Variants in PBX1 observed in about 807,000 individuals in gnomAD.
PBX1 encodes pre-B-cell leukemia transcription factor 1.
In PBX1, 6 loss-of-function variants were observed where a neutral mutation model predicts 53.4. The ratio of observed to expected loss-of-function variants is 0.11; its 90% confidence interval spans 0.06 to 0.22. The LOEUF is 0.22. Ranked by LOEUF, PBX1 falls within the 10% of genes least tolerant of loss-of-function variation. PBX1 has a pLI of 1.00. For synonymous variants in PBX1, 204 were observed against 212.3 expected (o/e 0.96, Z 0.34); for missense variants, 251 against 551.4 (o/e 0.46, Z 5.46).
chr1:164,787,106 C>T (rs1668237183), intron 2 of PBX1, among the ~76,000 whole-genome samples: 1 of 152,110 alleles, frequency 6.6e-6, no homozygotes, highest in Non-Finnish European at 1.5e-5. Flanking sequence ...TCTAACTCTT[C>T]TGGTAGGATG....
chr1:164,566,843 A>G (rs549831591), intron 2 of PBX1, among the ~76,000 whole-genome samples: 2 of 152,324 alleles, frequency 1.3e-5, no homozygotes, highest in South Asian at 2.1e-4. Context: ...CATAATAGCT[A>G]TATATGGCAC....
chr1:164,842,720 T>C (rs1380664930), intron 8 of PBX1, among the ~76,000 whole-genome samples: 3 of 152,154 alleles, frequency 2.0e-5, no homozygotes, highest in Non-Finnish European at 4.4e-5. Flanking sequence ...TAAATTGTTT[T>C]TAGCAATTAA....
At chr1:164,808,592 A>G (rs2102338496) in intron 5 of PBX1, among the ~76,000 whole-genome samples, 1 of 152,206 alleles carries the variant, frequency 6.6e-6, no homozygotes, top group African/African-American at 2.4e-5. Flanking sequence ...TTCACTTACC[A>G]TTTTTCAAAT....
At chr1:164,789,289 A>G (rs1668370812) in intron 2 of PBX1, among the ~76,000 whole-genome samples, 1 of 152,200 alleles carries the variant, frequency 6.6e-6, no homozygotes, top group South Asian at 2.1e-4. Flanking sequence ...CCCATTGACT[A>G]TTTTAAAAAG....
chr1:164,838,389 T>A lies in PBX1; in HGVS notation c.1201-8195T>A, dbSNP rs140395305. 3.5e-4 allele frequency among the ~76,000 whole-genome samples: 54 copies of A among 152,240 alleles called. 1 individual carries two copies. Among genetic ancestry groups the A allele is most frequent in the African/African-American group, 1.3e-3 (54 of 41,552 alleles). On this transcript the variant is annotated intron_variant, in intron 8 of 8. Transcript: ENST00000420696. ...TTGTTCAAAACCAAGTTTGATGAGGTGGATTGTTGCTTAGTAGCAGGAGAT... is the reference window on the plus strand; with the variant it reads ...TTGTTCAAAACCAAGTTTGATGAGGAGGATTGTTGCTTAGTAGCAGGAGAT...
At chr1:164,593,178 G>C (rs1274557942) in intron 2 of PBX1, among the ~76,000 whole-genome samples, 2 of 152,054 alleles carry the variant, frequency 1.3e-5, no homozygotes, top group African/African-American at 4.8e-5. Context: ...GACTGGTCCT[G>C]AACTCCTGGG....
At chr1:164,846,466 G>A in intron 8 of PBX1, 118 bp from the exon 9 acceptor site, 1 of 831,954 alleles carries the variant, frequency 1.2e-6, no homozygotes. Context: ...TTTGATGAGT[G>A]TCTCCATGTG....
At chr1:164,617,958 C>G (rs1657393573) in intron 2 of PBX1, among the ~76,000 whole-genome samples, 1 of 152,132 alleles carries the variant, frequency 6.6e-6, no homozygotes, top group Non-Finnish European at 1.5e-5. Context: ...ACACATACCC[C>G]AAATCAGTAA....
intron 2 of PBX1, among the ~76,000 whole-genome samples, chr1:164,707,396 T>G (rs973728370): frequency 4.1e-5 from 4 of 97,570 alleles, no homozygotes; most frequent in Non-Finnish European, 8.2e-5. Flanking sequence ...ACCACTGAGG[T>G]GTGTGTGTGT....
chr1:164,685,830 C>G (rs957734517), intron 2 of PBX1, among the ~76,000 whole-genome samples: 4 of 152,174 alleles, frequency 2.6e-5, no homozygotes, highest in African/African-American at 9.7e-5. Context: ...TAAGTGCATT[C>G]TATACACACA....
intron 2 of PBX1, among the ~76,000 whole-genome samples, chr1:164,776,330 G>C (rs545415764): frequency 6.6e-6 from 1 of 152,312 alleles, no homozygotes; most frequent in East Asian, 1.9e-4. Context: ...GGCATGGCCA[G>C]CTAAAGGCAG....
chr1:164,717,909 TAAC>T (rs1336505687), intron 2 of PBX1, among the ~76,000 whole-genome samples: 6 of 152,354 alleles, frequency 3.9e-5, no homozygotes, highest in African/African-American at 1.2e-4. Context: ...AACATAATAA[TAAC>T]AACTGTTAAT....
At chr1:164,761,450 C>CTT (rs35369933) in intron 2 of PBX1, among the ~76,000 whole-genome samples, 1 of 146,556 alleles carries the variant, frequency 6.8e-6, no homozygotes. Context: ...GGACATTATT[C>CTT]TTTTTTTTTT....
chr1:164,678,785 C>T (rs557824656), intron 2 of PBX1, among the ~76,000 whole-genome samples: 29 of 152,272 alleles, frequency 1.9e-4, no homozygotes, highest in East Asian at 1.5e-3. Flanking sequence ...CTTCTTCACA[C>T]GCCACTCTCT....
At position 164,740,922 on chromosome 1, in the gene PBX1, A is replaced by G. The variant is rs1284483203; in HGVS notation, c.266-51572A>G. Among the ~76,000 whole-genome samples the G allele has an allele frequency of 3.3e-5, 5 of 152,286 alleles. No homozygotes were observed. In the South Asian group the frequency reaches 1.0e-3, roughly 32 times the overall value. On this transcript the variant is annotated intron_variant, in intron 2 of 8. Coordinates refer to ENST00000420696, the MANE Select transcript of PBX1 (RefSeq NM_002585.4). Reference sequence around the variant, plus strand: ...CTAGATGTGGAATTAAGATTTGGAGATTATCGAACTTTAAATACTGTTAAA... The same window carrying G: ...CTAGATGTGGAATTAAGATTTGGAGGTTATCGAACTTTAAATACTGTTAAA...
chr1:164,637,762 A>G (rs1293736538), intron 2 of PBX1, among the ~76,000 whole-genome samples: 1 of 152,174 alleles, frequency 6.6e-6, no homozygotes, highest in Admixed American at 6.6e-5. Flanking sequence ...ATTTTGTCCT[A>G]GTTCACTAAA....
intron 2 of PBX1, among the ~76,000 whole-genome samples, chr1:164,751,360 T>C (rs1666205963): frequency 1.3e-5 from 2 of 151,458 alleles, no homozygotes; most frequent in African/African-American, 4.9e-5. Flanking sequence ...TTACTCTCAG[T>C]CTTTTATGAA....
chr1:164,870,209 T>TTTC (rs1558053527), intron 2 of PBX1, among the ~76,000 whole-genome samples: 13 of 123,010 alleles, frequency 1.1e-4, no homozygotes, highest in Non-Finnish European at 1.8e-4. Context: ...TCTTTCTTTC[T>TTTC]TTTCTTTCTT....
chr1:164,670,248 A>G (rs1661040141), intron 2 of PBX1, among the ~76,000 whole-genome samples: 1 of 152,166 alleles, frequency 6.6e-6, no homozygotes, highest in Admixed American at 6.5e-5. Context: ...TGAGGCTTGC[A>G]TCTTTTGTTT....
Sources: gnomAD v4.1 joint callset for allele counts (sites outside exome capture counted in the v4.1 genomes callset) on GRCh38, gnomAD v4.1.1 for gene constraint, MANE v1.5 for transcripts, NCBI Gene and HGNC (gene_info 2026-07-23, HGNC 2026-07-21) for gene names.